The following AUTS2 variants were observed in gnomAD, a reference collection of about 807,000 sequenced individuals.
The protein encoded by AUTS2 is autism susceptibility gene 2 protein.
A neutral mutation model predicts 112.4 loss-of-function variants in AUTS2; 17 were observed. The observed-to-expected ratio is 0.15, with a 90% CI of 0.10 to 0.23. AUTS2 has a LOEUF of 0.23. Among genes scored for constraint, AUTS2 ranks in the 10% least tolerant of loss-of-function variants. The probability of loss-of-function intolerance (pLI) is 1.00; values close to 1 mark genes in which losing one functional copy is unlikely to be tolerated. For synonymous variants in AUTS2, 751 were observed against 702.7 expected (o/e 1.07, Z -1.09); for missense variants, 1,510 against 1,701.6 (o/e 0.89, Z 1.98).
intron 5 of AUTS2, among the ~76,000 whole-genome samples, chr7:70,573,891 T>G (rs760129000): frequency 6.6e-6 from 1 of 152,186 alleles, no homozygotes; most frequent in Non-Finnish European, 1.5e-5. Flanking sequence ...ACTCCTGGTC[T>G]TTCTTGCTAA....
At chr7:69,842,057 A>G (rs1792005086) in intron 1 of AUTS2, among the ~76,000 whole-genome samples, 1 of 152,198 alleles carries the variant, frequency 6.6e-6, no homozygotes, top group African/African-American at 2.4e-5. Context: ...ATTTATATTC[A>G]GCATAGAGAA....
intron 4 of AUTS2, among the ~76,000 whole-genome samples, chr7:70,192,324 C>A (rs550366211): frequency 3.9e-5 from 6 of 152,242 alleles, no homozygotes; most frequent in Admixed American, 6.5e-5. Context: ...ATAAAACTTT[C>A]TAGGAAATTC....
chr7:70,003,552 A>G (rs1314937031), intron 2 of AUTS2, among the ~76,000 whole-genome samples: 2 of 125,480 alleles, frequency 1.6e-5, no homozygotes, highest in Non-Finnish European at 3.1e-5. Context: ...TGTATATATA[A>G]TATATATGAA....
intron 4 of AUTS2, among the ~76,000 whole-genome samples, chr7:70,184,481 A>T (rs2129581441): frequency 6.6e-6 from 1 of 152,268 alleles, no homozygotes; most frequent in South Asian, 2.1e-4. Context: ...CAAGAACATG[A>T]CTACTTGGTT....
chr7:69,954,790 G>A (rs934001935), intron 2 of AUTS2, among the ~76,000 whole-genome samples: 3 of 152,194 alleles, frequency 2.0e-5, no homozygotes, highest in Admixed American at 2.0e-4. Context: ...AGAAATTCAA[G>A]TGATCCCAGT....
intron 5 of AUTS2, among the ~76,000 whole-genome samples, chr7:70,590,012 T>C (rs1401262352): frequency 1.3e-5 from 2 of 152,096 alleles, no homozygotes; most frequent in Admixed American, 6.5e-5. Context: ...AAGGCCTGAG[T>C]GGCCACAATG....
intron 5 of AUTS2, among the ~76,000 whole-genome samples, chr7:70,584,626 T>G (rs993594869): frequency 2.6e-5 from 4 of 152,234 alleles, no homozygotes; most frequent in African/African-American, 9.6e-5. Context: ...GCCAGCGAAC[T>G]TGAGCCAGCC....
At chr7:70,260,281 A>C (rs1787097900) in intron 4 of AUTS2, among the ~76,000 whole-genome samples, 1 of 152,016 alleles carries the variant, frequency 6.6e-6, no homozygotes, top group African/African-American at 2.4e-5. Flanking sequence ...CAGGAGAATT[A>C]TGTGAACCCA....
Position 70,763,129 on chromosome 7 carries a change from C to T in AUTS2, c.1002C>T (p.Pro334=), listed in dbSNP as rs1353706342. The change falls in exon 7 of 19, where the codon CCC becomes CCT. Residue 334 remains proline (P), a synonymous_variant. Coordinates refer to ENST00000342771, the MANE Select transcript of AUTS2 (RefSeq NM_015570.4). ...LVQRTEAPPQ[P]PPLSTQPPQG... is the part of the protein sequence containing the mutation. ...AGCGCACAGAGGCCCCACCTCAACC[C>T]CCACCTCTGAGTACACAGCCACCAC... The T allele has an allele frequency of 6.2e-7, 1 of 1,613,880 alleles. No individual in the cohort carries two copies. Among genetic ancestry groups the T allele is most frequent in the East Asian group, 2.2e-5 (1 of 44,876 alleles).
intron 1 of AUTS2, among the ~76,000 whole-genome samples, chr7:69,894,262 T>TGTTG (rs1372600827): frequency 7.5e-6 from 1 of 133,274 alleles, no homozygotes; most frequent in African/African-American, 2.8e-5. Context: ...GTTTTTTTTT[T>TGTTG]TTTTTTTTTT....
chr7:69,745,646 G>A (rs1211218555), intron 1 of AUTS2, among the ~76,000 whole-genome samples: 9 of 152,114 alleles, frequency 5.9e-5, no homozygotes, highest in Admixed American at 5.9e-4. Flanking sequence ...GGTCTGTTGA[G>A]TTTTATGCAA....
intron 2 of AUTS2, among the ~76,000 whole-genome samples, chr7:70,009,933 A>G (rs537415037): frequency 6.6e-6 from 1 of 152,278 alleles, no homozygotes; most frequent in South Asian, 2.1e-4. Flanking sequence ...TAAAATGTTT[A>G]AAGAATTTAT....
At chr7:70,170,314 C>T (rs1012780886) in intron 4 of AUTS2, among the ~76,000 whole-genome samples, 8 of 151,622 alleles carry the variant, frequency 5.3e-5, no homozygotes, top group East Asian at 2.0e-4. Context: ...CATATACCAC[C>T]GCTAATTTTT....
At chr7:69,707,645 G>A (rs1798126999) in intron 1 of AUTS2, among the ~76,000 whole-genome samples, 1 of 152,170 alleles carries the variant, frequency 6.6e-6, no homozygotes, top group Non-Finnish European at 1.5e-5. Flanking sequence ...CTTTCTGGAT[G>A]CTAGGGATAT....
intron 5 of AUTS2, among the ~76,000 whole-genome samples, chr7:70,619,785 A>G (rs1452664007): frequency 6.6e-6 from 1 of 152,032 alleles, no homozygotes; most frequent in East Asian, 1.9e-4. Flanking sequence ...CTCTGTCAGC[A>G]TTTCAGATGC....
At chr7:69,974,206 T>G (rs1162555274) in intron 2 of AUTS2, among the ~76,000 whole-genome samples, 1 of 151,692 alleles carries the variant, frequency 6.6e-6, no homozygotes, top group African/African-American at 2.4e-5. Flanking sequence ...TTGTCAAATT[T>G]AAGTGTGCAG....
At chr7:70,320,019 C>G (rs1393331141) in intron 4 of AUTS2, among the ~76,000 whole-genome samples, 1 of 152,200 alleles carries the variant, frequency 6.6e-6, no homozygotes, top group Non-Finnish European at 1.5e-5. Flanking sequence ...TGTCCCTGAG[C>G]ACTTTAATCA....
chr7:69,794,275 T>C (rs1789743803), intron 1 of AUTS2, among the ~76,000 whole-genome samples: 1 of 152,190 alleles, frequency 6.6e-6, no homozygotes, highest in Non-Finnish European at 1.5e-5. Context: ...ATCTGTCCTA[T>C]AGCACTTTTC....
intron 1 of AUTS2, among the ~76,000 whole-genome samples, chr7:69,701,471 G>C (rs947588620): frequency 6.6e-6 from 1 of 152,144 alleles, no homozygotes; most frequent in African/African-American, 2.4e-5. Context: ...GTGCCTTGCA[G>C]CCTGAGCACA....
Sources: allele counts gnomAD v4.1 joint callset (sites outside exome capture counted in the v4.1 genomes callset), GRCh38; gene constraint gnomAD v4.1.1; transcripts MANE v1.5; gene names NCBI Gene and HGNC (gene_info 2026-07-23, HGNC 2026-07-21).